The following ZNF345 variants were observed in gnomAD, a reference collection of about 807,000 sequenced individuals.
The protein encoded by ZNF345 is zinc finger protein 345.
For missense variants in ZNF345, 527 were observed against 589.9 expected (o/e 0.89, Z 1.10); for synonymous variants, 166 against 187.9 (o/e 0.88, Z 0.95).
intron 2 of ZNF345, chr19:36,872,713 C>A (rs2072795236): frequency 1.3e-5 from 2 of 152,184 alleles, no homozygotes; most frequent in Admixed American, 6.5e-5. Flanking sequence ...CACAAGTAGA[C>A]TAAGGCATCA....
chr19:36,878,617 A>T lies in ZNF345; in HGVS notation c.*320A>T, dbSNP rs1197025103. The stretch of plus-strand genomic sequence containing the variant: ...TGGGTTAATCCTACTATATTTTTTC[A>T]ATGGTCTTTTTTTTTTGTATTATAC... On this transcript the variant is annotated 3_prime_UTR_variant, in exon 3 of 3. Transcript: ENST00000420450. 2.6e-5 allele frequency: 5 copies of T among 193,646 alleles called. No individual in the cohort carries two copies. Among genetic ancestry groups the T allele is most frequent in the African/African-American group, 1.3e-4 (4 of 31,512 alleles). The allele number at this position is 193,646 out of a possible 1,614,324, so 12.0% of individuals were successfully genotyped here.
intron 2 of ZNF345, among the ~76,000 whole-genome samples, chr19:36,853,192 A>G (rs769048265): frequency 5.3e-5 from 8 of 151,034 alleles, no homozygotes; most frequent in African/African-American, 1.9e-4. Flanking sequence ...GTCTACCTCA[A>G]GATAATGAAG....
In ZNF345 at chr19:36,892,978, C is replaced by A; in HGVS notation, c.207C>A (p.Cys69Ter). Residue 69 changes from cysteine (C) to a stop codon, truncating the protein, a stop_gained, in exon 4 of 4, where the codon TGC becomes TGA. Coordinates refer to the ZNF345 transcript ENST00000526123. LOFTEE classifies it high-confidence loss of function. ...GATGCCGCTTCTGCTCCAGGGCATG[C>A]ACCATGCGTGAGATATTCTAATTAT... 1 of 439,746 alleles carries A rather than the reference C, an allele frequency of 2.3e-6. No individual in the cohort carries two copies. The highest frequency in any genetic ancestry group is 3.9e-6 in the Non-Finnish European group (1 of 259,102). The allele number at this position is 439,746 out of a possible 1,614,324, so 27.2% of individuals were successfully genotyped here.
At chr19:36,890,472 T>C (rs1420439097) in intron 3 of ZNF345, 1 of 152,150 alleles carries the variant, frequency 6.6e-6, no homozygotes, top group African/African-American at 2.4e-5. Flanking sequence ...TATTTAGGAT[T>C]GTTTTATCTT....
At chr19:36,875,901 A>C (rs900434967) in intron 2 of ZNF345, among the ~76,000 whole-genome samples, 1 of 152,196 alleles carries the variant, frequency 6.6e-6, no homozygotes, top group African/African-American at 2.4e-5. Flanking sequence ...AGCACTGCAT[A>C]GTTACTTTAT....
intron 3 of ZNF345, chr19:36,892,511 G>A: frequency 6.6e-7 from 1 of 1,516,390 alleles, no homozygotes; most frequent in Non-Finnish European, 8.7e-7. Context: ...TTCCTATTCT[G>A]GGCAAGTTAA....
intron 2 of ZNF345, among the ~76,000 whole-genome samples, chr19:36,866,478 G>T (rs1275285294): frequency 6.6e-6 from 1 of 152,068 alleles, no homozygotes; most frequent in Non-Finnish European, 1.5e-5. Context: ...ACTCCCTAAA[G>T]AATATTATAC....
In ZNF345 at chr19:36,892,213, A is replaced by G. The variant is rs10417532; in HGVS notation, c.47-605A>G. 5.6e-4 allele frequency: 898 copies of G among 1,614,116 alleles called. 9 individuals carry two copies. In the African/African-American group the frequency reaches 0.011, roughly 20 times the overall value. On this transcript the variant is annotated intron_variant, in intron 3 of 3. Transcript: ENST00000526123. ...TCGAGTAACGAGTGAGCCACGACTA[A>G]AGGACTTCCCATACTCCTTAGATTC...
chr19:36,879,786 A>G (rs1022751725), downstream of ZNF345, among the ~76,000 whole-genome samples: 5 of 152,140 alleles, frequency 3.3e-5, no homozygotes, highest in South Asian at 2.1e-4. Context: ...TAACATACCT[A>G]TGGTAATGTG....
intron 2 of ZNF345, among the ~76,000 whole-genome samples, chr19:36,859,276 C>G (rs974647052): frequency 5.3e-5 from 8 of 151,916 alleles, no homozygotes; most frequent in Non-Finnish European, 1.0e-4. Context: ...CTGCCTCAGC[C>G]TCTTGAGTAG....
Position 36,878,575 on chromosome 19 carries a change from AT to A in ZNF345, c.*280del, listed in dbSNP as rs1320644809. Reference sequence around the variant, plus strand: ...ATTATATTTTGCCTCAACTTTAAACATTGGAAAACTCATTTCTGGGTTAATC... The same window carrying A: ...ATTATATTTTGCCTCAACTTTAAACATGGAAAACTCATTTCTGGGTTAATC... On this transcript the variant is annotated 3_prime_UTR_variant, in exon 3 of 3. Transcript: ENST00000420450. The A allele has an allele frequency of 7.7e-6, 2 of 258,182 alleles. No homozygotes were observed. The highest frequency in any genetic ancestry group is 4.5e-5 in the African/African-American group (2 of 44,610). 16.0% of individuals were successfully genotyped at this position (258,182 alleles called of 1,614,324 possible).
At chr19:36,866,445 T>C (rs1314343703) in intron 2 of ZNF345, among the ~76,000 whole-genome samples, 3 of 152,240 alleles carry the variant, frequency 2.0e-5, no homozygotes, top group Non-Finnish European at 2.9e-5. Flanking sequence ...TCTGCTATTA[T>C]AATTTTTTGC....
chr19:36,855,367 C>T (rs1346688588), intron 2 of ZNF345, among the ~76,000 whole-genome samples: 2 of 147,428 alleles, frequency 1.4e-5, no homozygotes, highest in African/African-American at 5.0e-5. Flanking sequence ...CCAGGATGGT[C>T]TTGATAACCT....
intron 2 of ZNF345, among the ~76,000 whole-genome samples, chr19:36,875,928 A>G (rs886129530): frequency 3.9e-5 from 6 of 152,296 alleles, no homozygotes; most frequent in African/African-American, 1.4e-4. Context: ...ATGTAAGTAG[A>G]TTTGGTGTGA....
At chr19:36,874,723 G>A (rs1014975375) in intron 2 of ZNF345, among the ~76,000 whole-genome samples, 47 of 152,298 alleles carry the variant, frequency 3.1e-4, no homozygotes, top group African/African-American at 1.1e-3. Context: ...AGGTTGCAGC[G>A]ATCTGAGATC....
In ZNF345 at chr19:36,864,959, T is replaced by G. The variant is rs73933143; in HGVS notation, c.-46-11826T>G. The stretch of plus-strand genomic sequence containing the variant: ...CAGGAATCCATCCTGTGTGGCAGAC[T>G]GGGTTGTCTTACCAGAAGCATTTGC... On this transcript the variant is annotated intron_variant, in intron 2 of 2. Transcript: ENST00000420450. Among the ~76,000 whole-genome samples the G allele has an allele frequency of 4.5e-3, 688 of 152,322 alleles. 8 individuals carry two copies. The highest frequency in any genetic ancestry group is 0.016 in the African/African-American group (646 of 41,568).
chr19:36,860,969 T>C (rs1178038896), intron 2 of ZNF345, among the ~76,000 whole-genome samples: 1 of 152,106 alleles, frequency 6.6e-6, no homozygotes, highest in Non-Finnish European at 1.5e-5. Flanking sequence ...TCTATCGCCA[T>C]TATTTTGTCT....
chr19:36,862,157 G>A (rs1291672682), intron 2 of ZNF345, among the ~76,000 whole-genome samples: 1 of 151,896 alleles, frequency 6.6e-6, no homozygotes, highest in South Asian at 2.1e-4. Context: ...CACTGCACCC[G>A]GCCAACTTCT....
intron 2 of ZNF345, among the ~76,000 whole-genome samples, chr19:36,870,606 G>T (rs1179528151): frequency 6.6e-6 from 1 of 151,906 alleles, no homozygotes; most frequent in Non-Finnish European, 1.5e-5. Context: ...TCTTTGGCAG[G>T]GCATGGAATT....
Sources: gnomAD v4.1 joint callset for allele counts (sites outside exome capture counted in the v4.1 genomes callset) on GRCh38, gnomAD v4.1.1 for gene constraint, MANE v1.5 for transcripts, NCBI Gene and HGNC (gene_info 2026-07-23, HGNC 2026-07-21) for gene names.